ANKRD10: variants seen among roughly 807,000 people sequenced by gnomAD.
ANKRD10 encodes the protein ankyrin repeat domain-containing protein 10.
In ANKRD10, 14 loss-of-function variants were observed where a neutral mutation model predicts 27.0. The ratio of observed to expected loss-of-function variants is 0.52; its 90% CI spans 0.34 to 0.81. ANKRD10 has a LOEUF of 0.81. Among genes scored for constraint, ANKRD10 ranks in the 40% least tolerant of loss-of-function variants. The pLI is 0.01. For synonymous variants in ANKRD10, 250 were observed against 224.5 expected, an observed-to-expected ratio of 1.11 and a Z score of -1.01; for missense variants, 493 against 544.0, an observed-to-expected ratio of 0.91 and a Z score of 0.93.
chr13:110,889,021 C>T (rs1046242487), intron 4 of ANKRD10, among the ~76,000 whole-genome samples: 17 of 137,410 alleles, frequency 1.2e-4, no homozygotes, highest in Non-Finnish European at 2.1e-4. Context: ...CTCTAGAGCT[C>T]CATCCAAAAC....
intron 4 of ANKRD10, among the ~76,000 whole-genome samples, chr13:110,887,472 G>C (rs1367941061): frequency 1.3e-5 from 2 of 152,146 alleles, no homozygotes; most frequent in Non-Finnish European, 2.9e-5. Context: ...GTAATTGCCA[G>C]GCATGCCTGC....
intron 1 of ANKRD10, among the ~76,000 whole-genome samples, chr13:110,913,162 G>C (rs922407406): frequency 1.1e-4 from 16 of 152,342 alleles, no homozygotes; most frequent in African/African-American, 3.8e-4. Context: ...CATCTGTAAT[G>C]AGGCTTTAAG....
intron 3 of ANKRD10, among the ~76,000 whole-genome samples, chr13:110,897,443 C>T (rs13343): frequency 0.094 from 14,318 of 151,768 alleles, 832 homozygotes; most frequent in South Asian, 0.15. Flanking sequence ...TTTTTACCTT[C>T]CACATAAGTA....
chr13:110,888,486 T>C (rs1342616793), intron 4 of ANKRD10, among the ~76,000 whole-genome samples: 4 of 152,074 alleles, frequency 2.6e-5, no homozygotes, highest in Non-Finnish European at 4.4e-5. Context: ...TACTGCAAAT[T>C]TGAAAACAGT....
intron 1 of ANKRD10, among the ~76,000 whole-genome samples, chr13:110,913,522 T>C (rs1329096560): frequency 6.6e-6 from 1 of 152,182 alleles, no homozygotes; most frequent in East Asian, 1.9e-4. Context: ...TCGTCAAAAC[T>C]CCTTTTCATT....
At chr13:110,883,904 AT>A in intron 4 of ANKRD10, 111 bp from the exon 5 acceptor site, 1 of 1,238,414 alleles carries the variant, frequency 8.1e-7, no homozygotes, top group Non-Finnish European at 1.1e-6. Context: ...AAACAATCAC[AT>A]AAAAAAAAAT....
rs550968462 is a variant in ANKRD10, at chr13:110,897,828, G to A, written c.456-4565C>T. On this transcript the variant is annotated intron_variant, in intron 3 of 5. Transcript: ENST00000267339. Reference sequence around the variant, plus strand: ...ACATTCCCACTAACAGTGTTTAAACGTTCCTTTGCCTCTGCATTCTCGTCA... The same window carrying A: ...ACATTCCCACTAACAGTGTTTAAACATTCCTTTGCCTCTGCATTCTCGTCA... Among the ~76,000 whole-genome samples, 18 of 152,242 alleles carry A rather than the reference G, an allele frequency of 1.2e-4. 1 individual carries two copies. The South Asian group carries it at 2.3e-3, about 19-fold the overall frequency.
chr13:110,878,874 CAGTT>C lies in ANKRD10; in HGVS notation c.*759_*762del, dbSNP rs1299302366. The C allele has an allele frequency of 6.6e-6, 1 of 152,356 alleles. No individual in the cohort carries two copies. Among genetic ancestry groups the C allele is most frequent in the Admixed American group, 6.5e-5 (1 of 15,286 alleles). The allele number at this position is 152,356 out of a possible 1,614,324, so 9.4% of individuals were successfully genotyped here. ...AAAAAAGAAAATACATGTCAACAGTCAGTTAAATATTTTGACCTGACAGTTTCTA... is the reference window on the plus strand; with the variant it reads ...AAAAAAGAAAATACATGTCAACAGTCAAATATTTTGACCTGACAGTTTCTA... On this transcript the variant is annotated 3_prime_UTR_variant, in exon 6 of 6. Coordinates refer to ENST00000267339, the MANE Select transcript of ANKRD10 (RefSeq NM_017664.4).
Position 110,883,721 on chromosome 13 carries a change from T to G in ANKRD10, c.764A>C (p.Asp255Ala). Residue 255 changes from aspartate to alanine, a missense_variant, in exon 5 of 6, where the codon GAT becomes GCT. By Grantham distance (126) the Asp-to-Ala change is moderately radical (BLOSUM62 -2). Transcript: ENST00000267339. ...TEDDADKMHV[D>A]REFAVVTDMK... is the part of the protein sequence containing the mutation. The stretch of plus-strand genomic sequence containing the variant: ...ACCTGTTACAACAGCAAACTCCCTA[T>G]CAACGTGCATTTTGTCAGCATCGTC... 1.2e-6 allele frequency: 2 copies of G among 1,614,218 alleles called. No homozygotes were observed. Among genetic ancestry groups the G allele is most frequent in the Non-Finnish European group, 1.7e-6 (2 of 1,180,026 alleles).
chr13:110,905,197 A>G (rs1456258370), intron 3 of ANKRD10: 1 of 152,250 alleles, frequency 6.6e-6, no homozygotes, highest in Admixed American at 6.5e-5. Context: ...TCAACATTTA[A>G]GGGTGAAAAC....
chr13:110,912,162 TC>T (rs1336767594), intron 1 of ANKRD10, among the ~76,000 whole-genome samples: 1 of 152,208 alleles, frequency 6.6e-6, no homozygotes, highest in Non-Finnish European at 1.5e-5. Context: ...CCTGGACTGC[TC>T]ATTTTCCCTC....
intron 4 of ANKRD10, among the ~76,000 whole-genome samples, chr13:110,884,807 A>G (rs1297008658): frequency 6.6e-6 from 1 of 152,268 alleles, no homozygotes; most frequent in East Asian, 1.9e-4. Context: ...CACCACAAAT[A>G]GCAACTTTCA....
intron 3 of ANKRD10, among the ~76,000 whole-genome samples, chr13:110,897,903 ATC>A (rs1002491978): frequency 5.6e-4 from 85 of 152,212 alleles, no homozygotes; most frequent in African/African-American, 1.9e-3. Flanking sequence ...GGGTAAGACA[ATC>A]TCTCATTGTG....
intron 5 of ANKRD10, among the ~76,000 whole-genome samples, chr13:110,880,682 TAA>T (rs2064799804): frequency 6.6e-6 from 1 of 152,226 alleles, no homozygotes; most frequent in African/African-American, 2.4e-5. Flanking sequence ...GACCCTCTCC[TAA>T]GTCTCAAATC....
chr13:110,885,271 G>A (rs1272755239), intron 4 of ANKRD10, among the ~76,000 whole-genome samples: 1 of 152,134 alleles, frequency 6.6e-6, no homozygotes, highest in Non-Finnish European at 1.5e-5. Context: ...AAAAAAAAAG[G>A]GCTGGGCATG....
At chr13:110,905,971 C>A in intron 3 of ANKRD10, 62 bp downstream of exon 3, 1 of 1,446,922 alleles carries the variant, frequency 6.9e-7, no homozygotes, top group Non-Finnish European at 9.4e-7. Context: ...TTATGTACTG[C>A]CTTTAAACAA....
chr13:110,888,736 T>G (rs973628377), intron 4 of ANKRD10, among the ~76,000 whole-genome samples: 4 of 152,206 alleles, frequency 2.6e-5, no homozygotes, highest in Admixed American at 6.5e-5. Flanking sequence ...TCTGGGAAAG[T>G]GTTAAAACTT....
intron 3 of ANKRD10, among the ~76,000 whole-genome samples, chr13:110,905,575 C>T (rs758575483): frequency 3.8e-4 from 58 of 152,212 alleles, no homozygotes; most frequent in African/African-American, 1.2e-3. Context: ...TCTGCTAAGA[C>T]GTGGAAATCA....
intron 4 of ANKRD10, among the ~76,000 whole-genome samples, chr13:110,886,677 C>T (rs2064939513): frequency 6.6e-6 from 1 of 152,168 alleles, no homozygotes; most frequent in Non-Finnish European, 1.5e-5. Context: ...GGCATTTTCC[C>T]CCACACCTGT....
Sources: allele counts gnomAD v4.1 joint callset (sites outside exome capture counted in the v4.1 genomes callset), GRCh38; gene constraint gnomAD v4.1.1; transcripts MANE v1.5; gene names NCBI Gene and HGNC (gene_info 2026-07-23, HGNC 2026-07-21).